NOA1: variants seen among roughly 807,000 people sequenced by gnomAD.
NOA1 encodes the protein nitric oxide-associated protein 1.
NOA1 carries 35 observed loss-of-function variants against 58.4 expected under a neutral mutation model. The ratio of observed to expected loss-of-function variants is 0.60; its 90% CI spans 0.46 to 0.79. NOA1 has a LOEUF of 0.79. Among genes scored for constraint, NOA1 ranks in the 30% least tolerant of loss-of-function variants. The pLI is 0.00. For synonymous variants in NOA1, 397 were observed against 373.4 expected (o/e 1.06, Z -0.73); for missense variants, 895 against 894.6 (o/e 1.00, Z -0.01).
intron 1 of NOA1, among the ~76,000 whole-genome samples, chr4:56,975,047 G>C (rs72606404): frequency 0.21 from 31,070 of 150,798 alleles, 3,290 homozygotes; most frequent in East Asian, 0.4. Flanking sequence ...CTGTTTTTTT[G>C]GGTCTCTGTT....
intron 3 of NOA1, among the ~76,000 whole-genome samples, chr4:56,970,659 G>A (rs1337822843): frequency 1.3e-5 from 2 of 151,626 alleles, no homozygotes; most frequent in Non-Finnish European, 2.9e-5. Flanking sequence ...ATACAGTTTT[G>A]GCATGTTGCC....
Position 56,964,540 on chromosome 4 carries a change from A to G in NOA1, c.1765-14T>C. On this transcript the variant is annotated splice_polypyrimidine_tract_variant and intron_variant, in intron 5 of 6. Coordinates refer to ENST00000264230, the MANE Select transcript of NOA1 (RefSeq NM_032313.4). ...ACCCATTGGAATCTTCCAATGAAAT[A>G]AAGATATTTACAAGTTCAAATTAAA... is the stretch of plus-strand genomic sequence containing the variant. 1 of 1,610,582 alleles carries G rather than the reference A, an allele frequency of 6.2e-7. No homozygotes were observed. Among genetic ancestry groups the G allele is most frequent in the Middle Eastern group, 1.7e-4 (1 of 6,038 alleles).
chr4:56,969,259 C>A (rs1721768647), intron 3 of NOA1, among the ~76,000 whole-genome samples: 6 of 152,158 alleles, frequency 3.9e-5, no homozygotes. Context: ...ACAAATTGGA[C>A]ACAAAACTTG....
chr4:56,976,515 C>T lies in NOA1; in HGVS notation c.1071G>A (p.Thr357=), dbSNP rs894567039. The part of the protein sequence containing the change: ...TNAGKSTLFN[T]LLESDYCTAK... ...CAGTGCAGTAATCGGACTCCAGGAGCGTGTTAAAGAGAGTGGATTTGCCGG... is the reference window on the plus strand; with the variant it reads ...CAGTGCAGTAATCGGACTCCAGGAGTGTGTTAAAGAGAGTGGATTTGCCGG... The change falls in exon 1 of 7, where the codon ACG becomes ACA. Residue 357 remains threonine (T), a synonymous_variant. Coordinates refer to ENST00000264230, the MANE Select transcript of NOA1 (RefSeq NM_032313.4). 1.2e-6 allele frequency: 2 copies of T among 1,614,074 alleles called. No individual in the cohort carries two copies. The highest frequency in any genetic ancestry group is 1.7e-6 in the Non-Finnish European group (2 of 1,180,044).
At chr4:56,971,969 A>G (rs1047076673) in intron 3 of NOA1, among the ~76,000 whole-genome samples, 6 of 151,814 alleles carry the variant, frequency 4.0e-5, no homozygotes, top group Admixed American at 2.0e-4. Flanking sequence ...GCTCACTGCA[A>G]GCTCCGCCTC....
rs777007758 is a variant in NOA1 at position 56,977,478 on chromosome 4, G to A, written c.108C>T (p.Cys36=). 2 of 1,613,898 alleles carry A rather than the reference G, an allele frequency of 1.2e-6. No homozygotes were observed. Among genetic ancestry groups the A allele is most frequent in the Non-Finnish European group, 1.7e-6 (2 of 1,180,032 alleles). Residue 36 remains cysteine, a synonymous_variant, in exon 1 of 7, where the codon TGC becomes TGT. Coordinates refer to ENST00000264230, the MANE Select transcript of NOA1 (RefSeq NM_032313.4). ...AGTGCTGGAAGGAGGAGGCGGCAGC[G>A]CACCTCCTCTCCAGGAGCGGCTCCC... ...GLREPLLERR[C]AAASSFQHSS... is the part of the protein sequence containing the mutation.
At position 56,977,576 on chromosome 4, in the gene NOA1, C is replaced by T. The variant is rs775917664; in HGVS notation, c.10G>A (p.Ala4Thr). The T allele has an allele frequency of 6.3e-6, 10 of 1,585,830 alleles. No homozygotes were observed. The highest frequency in any genetic ancestry group is 8.6e-6 in the Non-Finnish European group (10 of 1,164,904). The part of the protein sequence containing the change: MLP[A>T]RLPFRLLSLF... ...CTCAGCAGCCTGAACGGTAGGCGAGCGGGCAGCATGAGGAAGTAGCTCCAA... is the reference window on the plus strand; with the variant it reads ...CTCAGCAGCCTGAACGGTAGGCGAGTGGGCAGCATGAGGAAGTAGCTCCAA... Residue 4 changes from alanine to threonine, a missense_variant, in exon 1 of 7, where the codon GCT becomes ACT. Physicochemically the swap from Ala to Thr is moderately conservative, Grantham distance 58. Coordinates refer to ENST00000264230, the MANE Select transcript of NOA1 (RefSeq NM_032313.4).
chr4:56,972,130 C>T (rs1281746928), intron 3 of NOA1, among the ~76,000 whole-genome samples: 1 of 152,212 alleles, frequency 6.6e-6, no homozygotes, highest in Non-Finnish European at 1.5e-5. Flanking sequence ...TTGTGATCTG[C>T]CCGCCTGGGC....
intron 5 of NOA1, among the ~76,000 whole-genome samples, chr4:56,964,827 G>T (rs1001347204): frequency 2.0e-5 from 3 of 152,100 alleles, no homozygotes; most frequent in African/African-American, 7.2e-5. Flanking sequence ...CCTCCACAGG[G>T]CCTCACATAG....
chr4:56,966,095 T>G (rs1205289019), intron 5 of NOA1, among the ~76,000 whole-genome samples: 1 of 150,890 alleles, frequency 6.6e-6, no homozygotes, highest in Non-Finnish European at 1.5e-5. Context: ...AGCGCGATCT[T>G]GGCTCACTGC....
intron 3 of NOA1, 137 bp downstream of exon 3, chr4:56,973,008 CTGG>C: frequency 1.4e-6 from 1 of 700,580 alleles, no homozygotes; most frequent in Non-Finnish European, 2.4e-6. Flanking sequence ...TCCCATTTAG[CTGG>C]CTCTACATGC....
intron 5 of NOA1, among the ~76,000 whole-genome samples, chr4:56,965,835 CTT>C (rs10638725): frequency 1.2e-4 from 14 of 115,056 alleles, no homozygotes; most frequent in East Asian, 4.7e-4. Flanking sequence ...TAAATTTTCC[CTT>C]TTTTTTTTTT....
Position 56,977,123 on chromosome 4 carries a change from C to T in NOA1, c.463G>A (p.Val155Met), listed in dbSNP as rs1358071005. The change falls in exon 1 of 7, where the codon GTG (valine) becomes ATG (methionine). Residue 155 changes from valine (V) to methionine (M), a missense_variant. Val to Met is a conservative substitution (Grantham distance 21, BLOSUM62 1). Coordinates refer to ENST00000264230, the MANE Select transcript of NOA1 (RefSeq NM_032313.4). The part of the protein sequence containing the change: ...GAELHCQDAG[V>M]PGYLPREKFL... The stretch of plus-strand genomic sequence containing the variant: ...TTCTCTCGGGGCAGGTAGCCGGGCA[C>T]TCCGGCGTCCTGGCAGTGCAGCTCT... 1 of 1,554,944 alleles carries T rather than the reference C, an allele frequency of 6.4e-7. No homozygotes were observed. Among genetic ancestry groups the T allele is most frequent in the Non-Finnish European group, 8.7e-7 (1 of 1,153,178 alleles).
chr4:56,973,821 T>G, intron 2 of NOA1, 37 bp downstream of exon 2: 1 of 1,601,694 alleles, frequency 6.2e-7, no homozygotes, highest in Non-Finnish European at 8.5e-7. Context: ...AATTTTAGCA[T>G]AGTACCAACG....
At chr4:56,975,413 G>A (rs572400487) in intron 1 of NOA1, among the ~76,000 whole-genome samples, 5 of 151,616 alleles carry the variant, frequency 3.3e-5, no homozygotes, top group South Asian at 4.2e-4. Flanking sequence ...GGCAGATCAC[G>A]TGAGGTCAGG....
chr4:56,977,118 G>T lies in NOA1; in HGVS notation c.468C>A (p.Pro156=). The T allele has an allele frequency of 6.4e-7, 1 of 1,556,780 alleles. No individual in the cohort carries two copies. Residue 156 remains proline, a synonymous_variant, in exon 1 of 7, where the codon CCC becomes CCA. Coordinates refer to ENST00000264230, the MANE Select transcript of NOA1 (RefSeq NM_032313.4). ...GGAACTTCTCTCGGGGCAGGTAGCC[G>T]GGCACTCCGGCGTCCTGGCAGTGCA... ...AELHCQDAGV[P]GYLPREKFLR...
At chr4:56,964,704 CTG>C (rs1223770520) in intron 5 of NOA1, among the ~76,000 whole-genome samples, 178 bp from the exon 6 acceptor site, 5 of 152,182 alleles carry the variant, frequency 3.3e-5, no homozygotes, top group Non-Finnish European at 7.3e-5. Context: ...CAAGGGAACT[CTG>C]TGATGGGATG....
In NOA1 at chr4:56,976,790, CCCGCAGCCTCTG is replaced by C; in HGVS notation, c.784_795del (p.Gln262_Arg265del). 1.2e-6 allele frequency: 2 copies of C among 1,610,376 alleles called. No homozygotes were observed. The highest frequency in any genetic ancestry group is 1.7e-6 in the Non-Finnish European group (2 of 1,177,964). On this transcript the variant is annotated inframe_deletion, in exon 1 of 7. Transcript: ENST00000264230. The stretch of plus-strand genomic sequence containing the variant: ...CGGGCACAGTCCTCCCACAGTCGCT[CCCGCAGCCTCTG>C]CCGGTAGCCAGGAGCATCCTGGGGC...
In NOA1 at chr4:56,968,408, A is replaced by T. The variant is rs1286125252; in HGVS notation, c.1623T>A (p.Ala541=). The T allele has an allele frequency of 6.2e-7, 1 of 1,612,776 alleles. No homozygotes were observed. Among genetic ancestry groups the T allele is most frequent in the Admixed American group, 1.7e-5 (1 of 59,660 alleles). ...CCTGCAGGAAATCTATGCGGCCTAT[A>T]GCACCCAAAAACAGAACCATTCCTG... The part of the protein sequence containing the change: ...LKPGMVLFLG[A]IGRIDFLQGN... The change falls in exon 4 of 7, where the codon GCT becomes GCA. Residue 541 remains alanine, a synonymous_variant. Transcript: ENST00000264230.
Sources: allele counts gnomAD v4.1 joint callset (sites outside exome capture counted in the v4.1 genomes callset), GRCh38; gene constraint gnomAD v4.1.1; transcripts MANE v1.5; gene names NCBI Gene and HGNC (gene_info 2026-07-23, HGNC 2026-07-21).